QSOX2: variants seen among roughly 807,000 people sequenced by gnomAD.
The protein encoded by QSOX2 is quiescin sulfhydryl oxidase 2.
A neutral mutation model predicts 61.7 loss-of-function variants in QSOX2; 46 were observed. The observed-to-expected ratio is 0.75, with a 90% CI of 0.59 to 0.95. QSOX2 has a LOEUF of 0.95. Among genes scored for constraint, QSOX2 ranks in the 40% least tolerant of loss-of-function variants. QSOX2 has a pLI of 0.00. For synonymous variants in QSOX2, 383 were observed against 388.4 expected (o/e 0.99, Z 0.16); for missense variants, 879 against 918.9 (o/e 0.96, Z 0.56).
At chr9:136,233,266 G>C (rs1475078198) in intron 1 of QSOX2, among the ~76,000 whole-genome samples, 1 of 152,218 alleles carries the variant, frequency 6.6e-6, no homozygotes, top group Admixed American at 6.5e-5. Context: ...CCTGAAGCCA[G>C]GAAGTACCTT....
chr9:136,235,981 C>T (rs1451955689), intron 1 of QSOX2, among the ~76,000 whole-genome samples: 5 of 152,188 alleles, frequency 3.3e-5, no homozygotes, highest in South Asian at 2.1e-4. Context: ...TATGGAACTT[C>T]GCAGCCACCG....
At chr9:136,233,562 C>T (rs993228797) in intron 1 of QSOX2, among the ~76,000 whole-genome samples, 1 of 152,232 alleles carries the variant, frequency 6.6e-6, no homozygotes, top group East Asian at 1.9e-4. Flanking sequence ...TGAAGGCTGT[C>T]GAGCCCACAC....
At chr9:136,230,966 G>GTCC (rs1357889578) in intron 1 of QSOX2, among the ~76,000 whole-genome samples, 3 of 152,158 alleles carry the variant, frequency 2.0e-5, no homozygotes, top group Non-Finnish European at 4.4e-5. Context: ...TTGAACACAG[G>GTCC]TAACACCTCA....
chr9:136,223,711 C>T lies in QSOX2; in HGVS notation c.675+52G>A. On this transcript the variant is annotated intron_variant, in intron 5 of 11. Coordinates refer to ENST00000358701, the MANE Select transcript of QSOX2 (RefSeq NM_181701.4). This position sits in a 1 kb window ranked among gnomAD's most constrained non-coding sequence, Gnocchi z 4.4. ...TGCAAATCTCATCACAGATCCACCG[C>T]CAACCCCAATCACACCACGTGTGAC... 6.8e-7 allele frequency: 1 copy of T among 1,460,996 alleles called. No individual in the cohort carries two copies. Among genetic ancestry groups the T allele is most frequent in the South Asian group, 1.2e-5 (1 of 86,290 alleles). 90.5% of individuals were successfully genotyped at this position (1,460,996 alleles called of 1,614,324 possible). A position where few individuals can be genotyped will look rare whatever the true frequency, so the allele number is the denominator to read the frequency against.
chr9:136,206,911 A>C lies in QSOX2; in HGVS notation c.*1817T>G, dbSNP rs1168399975. On this transcript the variant is annotated 3_prime_UTR_variant, in exon 12 of 12. Transcript: ENST00000358701. ...AGTTTAGTTTGAAGGGTTCAAAGGC[A>C]AATACACTGAAACCCACGTGTAAAC... 1 of 152,404 alleles carries C rather than the reference A, an allele frequency of 6.6e-6. No homozygotes were observed. Among genetic ancestry groups the C allele is most frequent in the African/African-American group, 2.4e-5 (1 of 41,480 alleles). The allele number at this position is 152,404 out of a possible 1,614,324, so 9.4% of individuals were successfully genotyped here.
chr9:136,224,391 G>A (rs923934618), intron 3 of QSOX2, among the ~76,000 whole-genome samples: 7 of 152,310 alleles, frequency 4.6e-5, no homozygotes, highest in South Asian at 2.1e-4. Flanking sequence ...ACGGCACTGC[G>A]AGGAGCAGGC....
At chr9:136,210,283 G>A (rs1831829634) in intron 11 of QSOX2, 1 of 985,502 alleles carries the variant, frequency 1.0e-6, no homozygotes, top group Non-Finnish European at 1.2e-6. Context: ...TGCACAGGCT[G>A]GAGGTGGGAC....
At chr9:136,234,237 G>A (rs1830357578) in intron 1 of QSOX2, among the ~76,000 whole-genome samples, 3 of 152,370 alleles carry the variant, frequency 2.0e-5, no homozygotes, top group African/African-American at 7.2e-5. Flanking sequence ...TACGGAACAC[G>A]TGTAACACAC....
intron 10 of QSOX2, among the ~76,000 whole-genome samples, chr9:136,211,853 G>A (rs569563941): frequency 5.0e-4 from 76 of 152,346 alleles, no homozygotes; most frequent in African/African-American, 1.8e-3. Flanking sequence ...TGCCAGCTGG[G>A]TGCAGTCTCT....
intron 1 of QSOX2, among the ~76,000 whole-genome samples, chr9:136,234,793 A>G (rs1267739096): frequency 7.6e-6 from 1 of 131,544 alleles, no homozygotes; most frequent in African/African-American, 3.5e-5. Context: ...TCATCGCGCC[A>G]CACCCCAGCT....
In QSOX2 at chr9:136,209,300, G is replaced by A; in HGVS notation, c.1550-25C>T. On this transcript the variant is annotated intron_variant, in intron 11 of 11. Coordinates refer to ENST00000358701, the MANE Select transcript of QSOX2 (RefSeq NM_181701.4). The surrounding 1 kb of genome is among the most constrained non-coding windows in gnomAD (Gnocchi z 5.6). ...CCTAGGAAGAAAAGGAAGCGGGAGAGCCAGAGGGAAGGAGGCTTTGTGCAG... is the reference window on the plus strand; with the variant it reads ...CCTAGGAAGAAAAGGAAGCGGGAGAACCAGAGGGAAGGAGGCTTTGTGCAG... 6.2e-7 allele frequency: 1 copy of A among 1,602,424 alleles called. No homozygotes were observed. The highest frequency in any genetic ancestry group is 8.5e-7 in the Non-Finnish European group (1 of 1,172,682).
At chr9:136,226,953 A>G in intron 1 of QSOX2, 79 bp from the exon 2 acceptor site, 1 of 1,240,824 alleles carries the variant, frequency 8.1e-7, no homozygotes. Flanking sequence ...TCCCCACTCC[A>G]GGCTGCGGCC....
At chr9:136,229,507 CTTTT>C (rs199818423) in intron 1 of QSOX2, among the ~76,000 whole-genome samples, 145 of 152,262 alleles carry the variant, frequency 9.5e-4, no homozygotes, top group African/African-American at 3.3e-3. Flanking sequence ...TTATTCCACA[CTTTT>C]TTTAAAAAAA....
At chr9:136,237,568 G>C (rs62579053) in intron 1 of QSOX2, among the ~76,000 whole-genome samples, 9,234 of 50,350 alleles carry the variant, frequency 0.18, 1,213 homozygotes, top group African/African-American at 0.39. Flanking sequence ...CCGTCCTGTG[G>C]CGGCGTCACC....
At chr9:136,233,342 T>A (rs1028342331) in intron 1 of QSOX2, among the ~76,000 whole-genome samples, 1 of 152,202 alleles carries the variant, frequency 6.6e-6, no homozygotes, top group African/African-American at 2.4e-5. Context: ...GAAGAACTCA[T>A]GAGTTCAACA....
At chr9:136,212,812 G>A (rs1355712258) in intron 10 of QSOX2, among the ~76,000 whole-genome samples, 1 of 152,240 alleles carries the variant, frequency 6.6e-6, no homozygotes, top group Non-Finnish European at 1.5e-5. Flanking sequence ...CATTTTACTA[G>A]ATAGGGCTTA....
intron 1 of QSOX2, among the ~76,000 whole-genome samples, chr9:136,242,746 C>T (rs961221742): frequency 6.6e-6 from 1 of 152,230 alleles, no homozygotes; most frequent in African/African-American, 2.4e-5. Context: ...TCTAACAAGG[C>T]CCTAAGTGGC....
rs1831949708 is a variant in QSOX2 at position 136,219,071 on chromosome 9, T to C, written c.915A>G (p.Lys305=). ...KSLPLPEKPH[K]EENSEIVVWR... ...AAACCACGATTTCTGAATTTTCTTC[T>C]TTGTGTGGCTTTTCAGGCAAGGGAA... is the stretch of plus-strand genomic sequence containing the variant. Residue 305 remains lysine, a synonymous_variant, in exon 7 of 12, where the codon AAA becomes AAG. Transcript: ENST00000358701. 3.7e-6 allele frequency: 6 copies of C among 1,614,008 alleles called. No homozygotes were observed. The highest frequency in any genetic ancestry group is 1.7e-5 in the Admixed American group (1 of 60,004).
Position 136,221,153 on chromosome 9 carries a change from C to T in QSOX2, c.821+643G>A, listed in dbSNP as rs371203825. Among the ~76,000 whole-genome samples the T allele has an allele frequency of 3.3e-5, 5 of 150,188 alleles. No homozygotes were observed. In the East Asian group the frequency reaches 5.9e-4, roughly 18 times the overall value. ...GGCACACAGGCACTCCACGCAGGGGCGAAGGGCTTATCCTCATGAGGGGCA... is the reference window on the plus strand; with the variant it reads ...GGCACACAGGCACTCCACGCAGGGGTGAAGGGCTTATCCTCATGAGGGGCA... On this transcript the variant is annotated intron_variant, in intron 6 of 11. Coordinates refer to ENST00000358701, the MANE Select transcript of QSOX2 (RefSeq NM_181701.4). The surrounding 1 kb of genome is among the most constrained non-coding windows in gnomAD (Gnocchi z 4.5).
Sources: allele counts gnomAD v4.1 joint callset (sites outside exome capture counted in the v4.1 genomes callset), GRCh38; gene constraint gnomAD v4.1.1; non-coding constraint Gnocchi (gnomAD v3.1); transcripts MANE v1.5; gene names NCBI Gene and HGNC (gene_info 2026-07-23, HGNC 2026-07-21).